RGS5: variants seen among roughly 807,000 people sequenced by gnomAD.
RGS5 encodes regulator of G-protein signalling 5.
In RGS5, 20 loss-of-function variants were observed where a neutral mutation model predicts 18.9. The observed-to-expected ratio is 1.06, with a 90% CI of 0.74 to 1.54. The LOEUF is 1.54. Among genes scored for constraint, RGS5 ranks in the 40% most tolerant of loss-of-function variants. RGS5 has a pLI of 0.00. For synonymous variants in RGS5, 57 were observed against 76.2 expected (o/e 0.75, Z 1.31); for missense variants, 201 against 211.8 (o/e 0.95, Z 0.32).
In RGS5 at chr1:163,143,219, T is replaced by C. The variant is rs543767924; in HGVS notation, c.*4123A>G. ...ACTAAAGAGCCTTGTGCGAAGCAAGTGTTCGATACGTGCTTGTCTAATAGA... is the reference window on the plus strand; with the variant it reads ...ACTAAAGAGCCTTGTGCGAAGCAAGCGTTCGATACGTGCTTGTCTAATAGA... On this transcript the variant is annotated 3_prime_UTR_variant, in exon 5 of 5. Coordinates refer to ENST00000313961, the MANE Select transcript of RGS5 (RefSeq NM_003617.4). 9 of 152,308 alleles carry C rather than the reference T, an allele frequency of 5.9e-5. No individual in the cohort carries two copies. Among genetic ancestry groups the C allele is most frequent in the African/African-American group, 2.2e-4 (9 of 41,578 alleles). The allele number at this position is 152,308 out of a possible 1,614,324, so 9.4% of individuals were successfully genotyped here.
chr1:163,320,344 T>C lies in RGS5; in HGVS notation c.-378+1278A>G, dbSNP rs189809911. 1.3e-4 allele frequency among the ~76,000 whole-genome samples: 20 copies of C among 152,324 alleles called. No individual in the cohort carries two copies. The East Asian group carries it at 3.5e-3, about 26-fold the overall frequency. ...ACTTAATTAAGCACTCTACAGGAACTAATTCACTTAATCTTCATGATACCG... is the reference window on the plus strand; with the variant it reads ...ACTTAATTAAGCACTCTACAGGAACCAATTCACTTAATCTTCATGATACCG... On this transcript the variant is annotated intron_variant, in intron 1 of 5. Transcript: ENST00000618415.
At chr1:163,149,079 G>A (rs974732812) in intron 4 of RGS5, among the ~76,000 whole-genome samples, 2 of 152,204 alleles carry the variant, frequency 1.3e-5, no homozygotes, top group Non-Finnish European at 2.9e-5. Context: ...CTAGGATGAA[G>A]GGCGTTGAGC....
At chr1:163,147,593 A>T in intron 4 of RGS5, 90 bp from the exon 5 acceptor site, 1 of 1,191,366 alleles carries the variant, frequency 8.4e-7, no homozygotes, top group Non-Finnish European at 1.1e-6. Context: ...TCATCAATAA[A>T]ACATAAGAGG....
intron 2 of RGS5, among the ~76,000 whole-genome samples, chr1:163,265,263 G>A (rs943601784): frequency 1.3e-5 from 2 of 152,040 alleles, no homozygotes; most frequent in African/African-American, 4.8e-5. Flanking sequence ...AAGGCCAGTA[G>A]ACAAGAACTT....
intron 2 of RGS5, among the ~76,000 whole-genome samples, chr1:163,225,596 A>G (rs1267859123): frequency 6.6e-6 from 1 of 151,406 alleles, no homozygotes; most frequent in Admixed American, 6.6e-5. Flanking sequence ...TACCCACCCC[A>G]CACACACTCA....
chr1:163,220,258 C>G (rs1275401400), upstream of RGS5, among the ~76,000 whole-genome samples: 1 of 152,060 alleles, frequency 6.6e-6, no homozygotes, highest in African/African-American at 2.4e-5. Context: ...GTACCTTTTT[C>G]TTATTGAGTT....
intron 2 of RGS5, among the ~76,000 whole-genome samples, chr1:163,243,616 C>A (rs1465187231): frequency 2.4e-5 from 3 of 127,288 alleles, no homozygotes; most frequent in Non-Finnish European, 4.7e-5. Flanking sequence ...TGCACCCCAG[C>A]CTGGGCGACA....
intron 2 of RGS5, among the ~76,000 whole-genome samples, chr1:163,230,468 T>C (rs920221158): frequency 2.1e-5 from 2 of 93,620 alleles, no homozygotes; most frequent in African/African-American, 6.0e-5. Context: ...AGTTGTAAGA[T>C]ACTAAGCTTT....
At chr1:163,217,612 T>A in exon 1 of RGS5, 1 of 1,541,280 alleles carries the variant, frequency 6.5e-7, no homozygotes, top group Non-Finnish European at 8.7e-7. Flanking sequence ...TGAGGTTTTG[T>A]TTCTTTGTTT....
At chr1:163,216,246 G>A (rs1386268583) in intron 1 of RGS5, among the ~76,000 whole-genome samples, 1 of 152,168 alleles carries the variant, frequency 6.6e-6, no homozygotes, top group Admixed American at 6.5e-5. Flanking sequence ...AAGTGCACAG[G>A]GGCCAGGGAG....
At chr1:163,190,154 C>T (rs1204499032) in intron 1 of RGS5, among the ~76,000 whole-genome samples, 4 of 152,052 alleles carry the variant, frequency 2.6e-5, no homozygotes, top group Non-Finnish European at 4.4e-5. Context: ...TAAGATTGCT[C>T]AAGCCCAAGC....
At chr1:163,201,981 T>C (rs553679954) in intron 1 of RGS5, among the ~76,000 whole-genome samples, 2 of 152,314 alleles carry the variant, frequency 1.3e-5, no homozygotes, top group African/African-American at 4.8e-5. Context: ...AAGTAAGATA[T>C]TTGTTCTTCT....
At chr1:163,225,919 A>G (rs931116786) in intron 2 of RGS5, among the ~76,000 whole-genome samples, 1 of 103,784 alleles carries the variant, frequency 9.6e-6, no homozygotes, top group African/African-American at 6.0e-5. Context: ...CAAAATCACA[A>G]GTAATTTTTT....
rs374593912 is a variant in RGS5, at chr1:163,174,928, T to C, written c.45-6560A>G. Among the ~76,000 whole-genome samples the C allele has an allele frequency of 2.9e-3, 445 of 152,098 alleles. 27 individuals are homozygous for C. The South Asian group carries it at 0.09, about 31-fold the overall frequency. On this transcript the variant is annotated intron_variant, in intron 1 of 4. Coordinates refer to ENST00000313961, the MANE Select transcript of RGS5 (RefSeq NM_003617.4). ...TTTTACAACACATTTCCAAAAGAGG[T>C]GTCCTAACATCGGATAATCCAATTT...
chr1:163,143,921 G>A lies in RGS5; in HGVS notation c.*3421C>T, dbSNP rs776986534. ...ATTACTCTTTGGAAAATAATTAACAGCTCCATCCTATTGAAATGGCTTGTG... is the reference window on the plus strand; with the variant it reads ...ATTACTCTTTGGAAAATAATTAACAACTCCATCCTATTGAAATGGCTTGTG... On this transcript the variant is annotated 3_prime_UTR_variant, in exon 5 of 5. Coordinates refer to ENST00000313961, the MANE Select transcript of RGS5 (RefSeq NM_003617.4). 2 of 152,104 alleles carry A rather than the reference G, an allele frequency of 1.3e-5. No individual in the cohort carries two copies. The highest frequency in any genetic ancestry group is 6.8e-3 in the Middle Eastern group (2 of 294). 9.4% of individuals were successfully genotyped at this position (152,104 alleles called of 1,614,324 possible). A position where few individuals can be genotyped will look rare whatever the true frequency, so the allele number is the denominator to read the frequency against.
At chr1:163,162,023 T>C in intron 2 of RGS5, 47 bp from the exon 3 acceptor site, 1 of 1,287,774 alleles carries the variant, frequency 7.8e-7, no homozygotes. Context: ...TAAGTAGGCA[T>C]TGAACCACAT....
intron 2 of RGS5, among the ~76,000 whole-genome samples, chr1:163,304,054 CT>C (rs1649632993): frequency 6.6e-6 from 1 of 152,180 alleles, no homozygotes; most frequent in African/African-American, 2.4e-5. Context: ...GTCTACATGT[CT>C]CTCTATACAT....
intron 1 of RGS5, among the ~76,000 whole-genome samples, chr1:163,170,070 T>C (rs1178116235): frequency 6.6e-6 from 1 of 152,168 alleles, no homozygotes; most frequent in Non-Finnish European, 1.5e-5. Context: ...AATTCTATAC[T>C]AGAAAAGCAC....
At chr1:163,156,801 T>C (rs1433282531) in intron 3 of RGS5, among the ~76,000 whole-genome samples, 1 of 152,224 alleles carries the variant, frequency 6.6e-6, no homozygotes, top group East Asian at 1.9e-4. Flanking sequence ...CTCAATTTCA[T>C]TTTCTGAAAA....
Sources: allele counts gnomAD v4.1 joint callset (sites outside exome capture counted in the v4.1 genomes callset), GRCh38; gene constraint gnomAD v4.1.1; transcripts MANE v1.5; gene names NCBI Gene and HGNC (gene_info 2026-07-23, HGNC 2026-07-21).